Variants in ROBO1 observed in about 807,000 individuals in gnomAD.
ROBO1 encodes the protein roundabout homolog 1.
ROBO1 carries 149 observed loss-of-function variants against 195.9 expected under a neutral mutation model. The observed-to-expected ratio is 0.76, with a 90% CI of 0.67 to 0.87. ROBO1 has a LOEUF of 0.87. ROBO1 is among the 40% of genes least tolerant of loss of function. The probability of loss-of-function intolerance (pLI) is 0.00; values close to 1 mark genes in which losing one functional copy is unlikely to be tolerated. For synonymous variants in ROBO1, 816 were observed against 733.2 expected (o/e 1.11, Z -1.82); for missense variants, 1,933 against 2,068.3 (o/e 0.93, Z 1.27).
chr3:79,614,655 A>G (rs1233717506), intron 1 of ROBO1, among the ~76,000 whole-genome samples: 1 of 152,138 alleles, frequency 6.6e-6, no homozygotes, highest in Non-Finnish European at 1.5e-5. Context: ...TAACAAATAA[A>G]TGTAAGATTT....
chr3:79,709,163 T>C (rs189897325), intron 1 of ROBO1, among the ~76,000 whole-genome samples: 12 of 152,238 alleles, frequency 7.9e-5, no homozygotes, highest in Admixed American at 5.2e-4. Flanking sequence ...TAAACAAACA[T>C]TCATGACTGA....
intron 10 of ROBO1, among the ~76,000 whole-genome samples, chr3:78,674,698 T>C (rs1708288137): frequency 6.6e-6 from 1 of 152,212 alleles, no homozygotes; most frequent in South Asian, 2.1e-4. Context: ...CTATGCGTGA[T>C]CTAGTCTCAC....
Position 78,679,769 on chromosome 3 carries a change from T to C in ROBO1, c.1342+5977A>G, listed in dbSNP as rs868816722. ...TGGCCATACTGCCCAAGGTAATTTA[T>C]AGATTCAATGCCATCCCCATCAAGC... On this transcript the variant is annotated intron_variant, in intron 10 of 30. Transcript: ENST00000464233. 1.3e-3 allele frequency among the ~76,000 whole-genome samples: 194 copies of C among 152,228 alleles called. 2 individuals are homozygous for C. Among genetic ancestry groups the C allele is most frequent in the African/African-American group, 4.2e-3 (176 of 41,534 alleles).
chr3:78,990,029 T>C (rs1234729810), intron 3 of ROBO1, among the ~76,000 whole-genome samples: 1 of 152,140 alleles, frequency 6.6e-6, no homozygotes, highest in Non-Finnish European at 1.5e-5. Flanking sequence ...TTAGTGGTGT[T>C]TAATAATAGC....
At chr3:79,496,212 C>CA (rs751339145) in intron 2 of ROBO1, among the ~76,000 whole-genome samples, 2,848 of 55,962 alleles carry the variant, frequency 0.051, 181 homozygotes, top group East Asian at 0.088. Flanking sequence ...GACTCTGTCT[C>CA]AAAAAAAAAA....
chr3:79,189,903 G>A (rs987261559), intron 2 of ROBO1, among the ~76,000 whole-genome samples: 1 of 151,604 alleles, frequency 6.6e-6, no homozygotes, highest in Non-Finnish European at 1.5e-5. Flanking sequence ...AACGTTAAGA[G>A]AATACACTAA....
chr3:79,511,769 A>G (rs187939161), intron 2 of ROBO1, among the ~76,000 whole-genome samples: 49 of 152,302 alleles, frequency 3.2e-4, no homozygotes, highest in Non-Finnish European at 2.9e-5. Context: ...TGTCTTTTTC[A>G]GGGACATGGA....
chr3:79,172,239 T>C (rs536764858), intron 2 of ROBO1, among the ~76,000 whole-genome samples: 23 of 152,200 alleles, frequency 1.5e-4, no homozygotes, highest in Non-Finnish European at 3.1e-4. Context: ...AGAAACTATT[T>C]TTGATTCTAA....
intron 2 of ROBO1, among the ~76,000 whole-genome samples, chr3:79,374,438 C>G (rs985281705): frequency 1.3e-5 from 2 of 152,090 alleles, no homozygotes; most frequent in Non-Finnish European, 2.9e-5. Flanking sequence ...AATCTCCCCT[C>G]AAGCTACTTA....
chr3:79,580,867 T>C (rs971682840), intron 2 of ROBO1, among the ~76,000 whole-genome samples: 1 of 152,212 alleles, frequency 6.6e-6, no homozygotes, highest in Non-Finnish European at 1.5e-5. Flanking sequence ...AGTTTTTATA[T>C]ACATTTCTCA....
chr3:79,110,160 T>A, intron 3 of ROBO1, among the ~76,000 whole-genome samples: 1 of 152,128 alleles, frequency 6.6e-6, no homozygotes, highest in Non-Finnish European at 1.5e-5. Flanking sequence ...GAGGATTATA[T>A]GAGATGATGC....
intron 2 of ROBO1, among the ~76,000 whole-genome samples, chr3:79,569,645 ATGTGTGTGTGTGTG>A (rs112113543): frequency 2.1e-5 from 3 of 142,138 alleles, no homozygotes; most frequent in African/African-American, 8.2e-5. Context: ...ATGTATAGAT[ATGTGTGTGTGTGTG>A]TGTGTGTGTG....
intron 2 of ROBO1, among the ~76,000 whole-genome samples, chr3:79,477,100 G>A (rs910687123): frequency 1.3e-5 from 2 of 152,006 alleles, no homozygotes; most frequent in African/African-American, 4.8e-5. Flanking sequence ...AAAAAAATCC[G>A]TGATTTTGGT....
intron 5 of ROBO1, among the ~76,000 whole-genome samples, chr3:78,727,476 A>T (rs540418408): frequency 6.6e-6 from 1 of 152,160 alleles, no homozygotes; most frequent in African/African-American, 2.4e-5. Context: ...AATACAAAAA[A>T]TTATCCGGGC....
At position 79,000,998 on chromosome 3, in the gene ROBO1, G is replaced by A. The variant is rs550685724; in HGVS notation, c.173-62071C>T. On this transcript the variant is annotated intron_variant, in intron 3 of 30. Transcript: ENST00000464233. ...GACATGGATGGAGCTGGAAACCATC[G>A]TTCTCAGCAAACTAACACAGGAACA... Among the ~76,000 whole-genome samples, 10 of 152,016 alleles carry A rather than the reference G, an allele frequency of 6.6e-5. No homozygotes were observed. The South Asian group carries it at 8.3e-4, about 13-fold the overall frequency.
intron 2 of ROBO1, among the ~76,000 whole-genome samples, chr3:79,167,909 G>C (rs2081097353): frequency 1.3e-5 from 2 of 152,176 alleles, no homozygotes; most frequent in East Asian, 3.8e-4. Flanking sequence ...GAGGTTAGGA[G>C]GATTGAGGCA....
At chr3:79,124,589 A>G (rs2080180303) in intron 3 of ROBO1, among the ~76,000 whole-genome samples, 1 of 152,064 alleles carries the variant, frequency 6.6e-6, no homozygotes, top group Non-Finnish European at 1.5e-5. Flanking sequence ...TACACACACA[A>G]CCTATCCACA....
At chr3:78,957,152 G>A (rs9809330) in intron 3 of ROBO1, among the ~76,000 whole-genome samples, 21,324 of 151,892 alleles carry the variant, frequency 0.14, 2,144 homozygotes, top group African/African-American at 0.29. Flanking sequence ...TAGAAGTTCT[G>A]AAAACCAACA....
intron 30 of ROBO1, 38 bp from the exon 31 acceptor site, chr3:78,598,965 T>A: frequency 7.2e-7 from 1 of 1,390,100 alleles, no homozygotes; most frequent in Non-Finnish European, 9.9e-7. Context: ...TGAAAATAAA[T>A]CTTAAGAGGA....
Sources: allele counts gnomAD v4.1 joint callset (sites outside exome capture counted in the v4.1 genomes callset), GRCh38; gene constraint gnomAD v4.1.1; transcripts MANE v1.5; gene names NCBI Gene and HGNC (gene_info 2026-07-23, HGNC 2026-07-21).